Variants in GRID2 observed in about 807,000 individuals in gnomAD.
GRID2 encodes glutamate ionotropic receptor delta type subunit 2, also known as glutamate receptor ionotropic, delta-2.
GRID2 carries 33 observed loss-of-function variants against 114.8 expected under a neutral mutation model. That is an observed-to-expected ratio of 0.29 (90% CI 0.22 to 0.38). GRID2 has a LOEUF of 0.38. Ranked by LOEUF, GRID2 falls within the 10% of genes least tolerant of loss-of-function variation. The pLI is 1.00. For synonymous variants in GRID2, 505 were observed against 449.9 expected (o/e 1.12, Z -1.55); for missense variants, 1,184 against 1,257.7 (o/e 0.94, Z 0.89).
rs1159870553 is a variant in GRID2 at position 93,409,578 on chromosome 4, GAGAA to G, written c.1348-13189_1348-13186del. 1.1e-4 allele frequency among the ~76,000 whole-genome samples: 17 copies of G among 150,396 alleles called. No homozygotes were observed. In the South Asian group the frequency reaches 3.1e-3, roughly 28 times the overall value. ...GCATTTTTTAGGTATAGTAGAAAGA[GAGAA>G]AGAGAAAGCAACAGGCACACACACA... On this transcript the variant is annotated intron_variant, in intron 9 of 15. Coordinates refer to ENST00000282020, the MANE Select transcript of GRID2 (RefSeq NM_001510.4).
chr4:93,004,672 C>T (rs1256652867), intron 2 of GRID2, among the ~76,000 whole-genome samples: 1 of 152,000 alleles, frequency 6.6e-6, no homozygotes, highest in Non-Finnish European at 1.5e-5. Context: ...CTTCCACTCC[C>T]CCTCAGAGCA....
chr4:93,625,837 C>T (rs955968622), intron 13 of GRID2, among the ~76,000 whole-genome samples: 1 of 152,134 alleles, frequency 6.6e-6, no homozygotes, highest in Non-Finnish European at 1.5e-5. Flanking sequence ...ATGGCGTGAA[C>T]CCGGGAGGTG....
intron 2 of GRID2, among the ~76,000 whole-genome samples, chr4:93,005,710 T>G (rs1378828497): frequency 6.6e-6 from 1 of 152,180 alleles, no homozygotes; most frequent in East Asian, 1.9e-4. Flanking sequence ...TGGAATAGTA[T>G]TTGACCATTA....
chr4:92,467,221 C>G (rs1217402220), intron 1 of GRID2, among the ~76,000 whole-genome samples: 1 of 151,742 alleles, frequency 6.6e-6, no homozygotes, highest in African/African-American at 2.4e-5. Flanking sequence ...TTTTATTTAT[C>G]ACGTTGATTA....
At chr4:93,713,827 C>T (rs1728685724) in intron 14 of GRID2, among the ~76,000 whole-genome samples, 1 of 152,140 alleles carries the variant, frequency 6.6e-6, no homozygotes, top group African/African-American at 2.4e-5. Context: ...TTTCCCAAAA[C>T]TCTTCATATG....
At chr4:92,520,424 A>G (rs1252800588) in intron 1 of GRID2, among the ~76,000 whole-genome samples, 2 of 151,724 alleles carry the variant, frequency 1.3e-5, no homozygotes, top group Non-Finnish European at 2.9e-5. Flanking sequence ...CATTTTTGTA[A>G]CTGTTCACAT....
intron 11 of GRID2, among the ~76,000 whole-genome samples, chr4:93,479,507 T>TAAG (rs1725649052): frequency 6.6e-6 from 1 of 151,962 alleles, no homozygotes; most frequent in South Asian, 2.1e-4. Context: ...TCTGAAACAC[T>TAAG]AAGAAAAGCC....
rs1190450759 is a variant in GRID2, at chr4:93,711,323, A to C, written c.2361-57887A>C. Among the ~76,000 whole-genome samples, 4 of 152,128 alleles carry C rather than the reference A, an allele frequency of 2.6e-5. No individual in the cohort carries two copies. In the East Asian group the frequency reaches 5.8e-4, roughly 22 times the overall value. ...CTTCCAGGAGGAAATCCTTCTCCTA[A>C]AGGCAGAGGGTTCCCTTCTGGCTCA... On this transcript the variant is annotated intron_variant, in intron 14 of 15. Coordinates refer to ENST00000282020, the MANE Select transcript of GRID2 (RefSeq NM_001510.4).
intron 1 of GRID2, among the ~76,000 whole-genome samples, chr4:92,447,429 G>A (rs1733526785): frequency 1.3e-5 from 2 of 152,176 alleles, no homozygotes; most frequent in Admixed American, 1.3e-4. Flanking sequence ...AGGGTGTCAA[G>A]TGCTCTGAGT....
At chr4:93,692,076 C>A (rs1351110786) in intron 14 of GRID2, among the ~76,000 whole-genome samples, 1 of 151,936 alleles carries the variant, frequency 6.6e-6, no homozygotes, top group Admixed American at 6.6e-5. Context: ...CAATTCTTAC[C>A]TACATAGAAC....
intron 4 of GRID2, among the ~76,000 whole-genome samples, chr4:93,159,962 G>A (rs972324824): frequency 4.0e-5 from 6 of 151,580 alleles, no homozygotes; most frequent in Admixed American, 1.3e-4. Context: ...TCTCATTCCC[G>A]TAGAAGTCAC....
intron 12 of GRID2, among the ~76,000 whole-genome samples, chr4:93,491,923 T>G (rs1727045465): frequency 6.6e-6 from 1 of 151,892 alleles, no homozygotes; most frequent in African/African-American, 2.4e-5. Context: ...GTCAATTATT[T>G]TATCCATTCA....
At chr4:93,023,585 C>A (rs1454472053) in intron 2 of GRID2, among the ~76,000 whole-genome samples, 3 of 151,732 alleles carry the variant, frequency 2.0e-5, no homozygotes, top group Admixed American at 6.6e-5. Context: ...ATAAGCAATA[C>A]CTGAAATGAA....
intron 1 of GRID2, among the ~76,000 whole-genome samples, chr4:92,421,393 A>G (rs1256865890): frequency 2.0e-5 from 3 of 152,088 alleles, no homozygotes; most frequent in East Asian, 1.9e-4. Context: ...GAAAAAGGAG[A>G]AAGTTTGAGA....
intron 1 of GRID2, among the ~76,000 whole-genome samples, chr4:92,359,967 A>C (rs77353712): frequency 0.025 from 3,830 of 152,084 alleles, 81 homozygotes; most frequent in East Asian, 0.11. Context: ...TGAGCAGAGA[A>C]TTCTCATCTA....
intron 2 of GRID2, among the ~76,000 whole-genome samples, chr4:93,017,186 G>C (rs1038763964): frequency 1.3e-5 from 2 of 152,090 alleles, no homozygotes; most frequent in East Asian, 1.9e-4. Context: ...GCAAAACCAA[G>C]AATAGGAATG....
chr4:93,237,890 A>G (rs540156267), intron 7 of GRID2, among the ~76,000 whole-genome samples: 1 of 152,014 alleles, frequency 6.6e-6, no homozygotes, highest in Admixed American at 6.6e-5. Flanking sequence ...ATCACCCTCT[A>G]ATAATCTAGA....
chr4:92,632,609 G>A (rs1314276360), intron 2 of GRID2, among the ~76,000 whole-genome samples: 1 of 151,872 alleles, frequency 6.6e-6, no homozygotes, highest in Non-Finnish European at 1.5e-5. Flanking sequence ...TCCAGCCTGA[G>A]CCACGGAGCG....
At chr4:93,144,744 T>TTAGAG (rs10640809) in intron 4 of GRID2, among the ~76,000 whole-genome samples, 80,572 of 151,474 alleles carry the variant, frequency 0.53, 22,607 homozygotes, top group African/African-American at 0.69. Context: ...CTTCTGTTGC[T>TTAGAG]TAAACAACAA....
Sources: gnomAD v4.1 joint callset for allele counts (sites outside exome capture counted in the v4.1 genomes callset) on GRCh38, gnomAD v4.1.1 for gene constraint, MANE v1.5 for transcripts, NCBI Gene and HGNC (gene_info 2026-07-23, HGNC 2026-07-21) for gene names.